NINL: variants seen among roughly 807,000 people sequenced by gnomAD.
The protein encoded by NINL is ninein-like protein.
In NINL, 153 loss-of-function variants were observed where a neutral mutation model predicts 160.3. The observed-to-expected ratio is 0.95, with a 90% CI of 0.84 to 1.09. NINL has a LOEUF of 1.09. Among genes scored for constraint, NINL ranks in the 50% least tolerant of loss-of-function variants. The pLI, the probability that NINL is intolerant of heterozygous loss-of-function variation, is 0.00. For synonymous variants in NINL, 800 were observed against 734.8 expected (o/e 1.09, Z -1.43); for missense variants, 1,829 against 1,764.0 (o/e 1.04, Z -0.66).
intron 1 of NINL, among the ~76,000 whole-genome samples, chr20:25,559,508 G>C (rs2064907547): frequency 6.6e-6 from 1 of 152,142 alleles, no homozygotes; most frequent in Non-Finnish European, 1.5e-5. Flanking sequence ...CAAAGTGCTG[G>C]GATTACAGGC....
chr20:25,485,090 T>C (rs544376559), intron 13 of NINL, among the ~76,000 whole-genome samples: 5 of 152,166 alleles, frequency 3.3e-5, no homozygotes, highest in Admixed American at 6.5e-5. Flanking sequence ...TCCTCAAAAA[T>C]ATCAATGTCA....
chr20:25,563,155 G>T (rs996124111), intron 1 of NINL, among the ~76,000 whole-genome samples: 1 of 152,192 alleles, frequency 6.6e-6, no homozygotes, highest in South Asian at 2.1e-4. Flanking sequence ...GACAGAGCAA[G>T]ATTCCATCTC....
intron 2 of NINL, 30 bp from the exon 3 acceptor site, chr20:25,517,879 T>A (rs1181449702): frequency 1.4e-6 from 2 of 1,454,666 alleles, no homozygotes; most frequent in East Asian, 2.3e-5. Context: ...GAGAGGACAA[T>A]GTCACTTTCA....
intron 2 of NINL, among the ~76,000 whole-genome samples, chr20:25,518,647 T>G (rs2064205520): frequency 6.6e-6 from 1 of 152,230 alleles, no homozygotes; most frequent in Non-Finnish European, 1.5e-5. Flanking sequence ...TTAACTTAAA[T>G]ATGTAATCTA....
At chr20:25,484,536 G>A (rs948834031) in intron 13 of NINL, among the ~76,000 whole-genome samples, 1 of 152,230 alleles carries the variant, frequency 6.6e-6, no homozygotes, top group Non-Finnish European at 1.5e-5. Flanking sequence ...GGCACAGCAA[G>A]CAGCCGAGGA....
At position 25,453,498 on chromosome 20, in the gene NINL, G is replaced by T; in HGVS notation, c.4102C>A (p.Leu1368Ile). ...GCAATCCTACTGACGAGTTTGTTGA[G>T]AGCGCGAACTTTTTCTTCCAAGAGG... Reference protein sequence around the residue: ...SRLLEEKVRALNKLVSRIAPA... With the variant: ...SRLLEEKVRAINKLVSRIAPA... The change falls in exon 24 of 24, where the codon CTC becomes ATC. Residue 1368 changes from leucine (L) to isoleucine (I), a missense_variant. By Grantham distance (5) the Leu-to-Ile change is conservative. Coordinates refer to ENST00000278886, the MANE Select transcript of NINL (RefSeq NM_025176.6). 1 of 1,614,018 alleles carries T rather than the reference G, an allele frequency of 6.2e-7. No homozygotes were observed. Among genetic ancestry groups the T allele is most frequent in the Non-Finnish European group, 8.5e-7 (1 of 1,179,958 alleles).
chr20:25,454,009 A>G lies in NINL; in HGVS notation c.3958-367T>C, dbSNP rs1192227865. On this transcript the variant is annotated intron_variant, in intron 23 of 23. Coordinates refer to ENST00000278886, the MANE Select transcript of NINL (RefSeq NM_025176.6). ...GGAGCTTGCAGTGAGCAGAGATCGCACCACTGCACTCCATCCAGCCTAGGC... is the reference window on the plus strand; with the variant it reads ...GGAGCTTGCAGTGAGCAGAGATCGCGCCACTGCACTCCATCCAGCCTAGGC... Among the ~76,000 whole-genome samples the G allele has an allele frequency of 3.3e-5, 5 of 152,080 alleles. No homozygotes were observed. In the East Asian group the frequency reaches 5.8e-4, roughly 18 times the overall value.
rs117666764 is a variant in NINL at position 25,471,061 on chromosome 20, C to T, written c.3249-966G>A. 9.4e-4 allele frequency among the ~76,000 whole-genome samples: 143 copies of T among 152,122 alleles called. 2 individuals are homozygous for T. The East Asian group carries it at 0.025, about 27-fold the overall frequency. ...TTGAGATGGGGTCTCATTCTGTCAC[C>T]CAGGCTGGAGTACTGTGGCACGATC... On this transcript the variant is annotated intron_variant, in intron 17 of 23. Coordinates refer to ENST00000278886, the MANE Select transcript of NINL (RefSeq NM_025176.6).
At chr20:25,483,350 A>G (rs2146601115) in intron 13 of NINL, among the ~76,000 whole-genome samples, 1 of 150,466 alleles carries the variant, frequency 6.6e-6, no homozygotes, top group African/African-American at 2.4e-5. Flanking sequence ...AAAAAAAAAG[A>G]AAAGAAAAGA....
At chr20:25,478,125 T>A (rs931342334) in intron 16 of NINL, among the ~76,000 whole-genome samples, 3 of 152,064 alleles carry the variant, frequency 2.0e-5, no homozygotes, top group African/African-American at 7.2e-5. Flanking sequence ...ATTTTTTGTG[T>A]TTTTAGTAGA....
chr20:25,505,336 T>TGGG (rs61161192), intron 5 of NINL, among the ~76,000 whole-genome samples: 16 of 106,862 alleles, frequency 1.5e-4, no homozygotes, highest in Non-Finnish European at 2.1e-4. Flanking sequence ...AGATGCTGGT[T>TGGG]GGGGGGGGGT....
intron 1 of NINL, among the ~76,000 whole-genome samples, chr20:25,532,050 C>T (rs2064473988): frequency 6.6e-6 from 1 of 152,182 alleles, no homozygotes; most frequent in South Asian, 2.1e-4. Context: ...AGAAGGACAG[C>T]TCTGTGTGTG....
At chr20:25,540,308 T>C (rs965889734) in intron 1 of NINL, among the ~76,000 whole-genome samples, 3 of 152,094 alleles carry the variant, frequency 2.0e-5, no homozygotes, top group South Asian at 4.1e-4. Flanking sequence ...TGAAAGAAAA[T>C]CCTGTTTTCA....
intron 19 of NINL, among the ~76,000 whole-genome samples, chr20:25,464,234 T>C (rs923093634): frequency 8.5e-5 from 13 of 152,138 alleles, no homozygotes; most frequent in Admixed American, 4.6e-4. Flanking sequence ...CTGGCCAACA[T>C]GGCGAAACCC....
At chr20:25,478,886 A>C (rs1275544226) in intron 16 of NINL, 37 bp downstream of exon 16, 1 of 1,481,270 alleles carries the variant, frequency 6.8e-7, no homozygotes, top group Admixed American at 2.3e-5. Flanking sequence ...TTGGCAAGAA[A>C]CCCCAGACTT....
intron 1 of NINL, among the ~76,000 whole-genome samples, chr20:25,534,703 A>G (rs949396380): frequency 6.6e-6 from 1 of 152,216 alleles, no homozygotes; most frequent in African/African-American, 2.4e-5. Flanking sequence ...GTATATGACT[A>G]TATGTACTGT....
intron 1 of NINL, among the ~76,000 whole-genome samples, chr20:25,549,180 C>T (rs867512473): frequency 2.8e-5 from 3 of 107,462 alleles, no homozygotes; most frequent in African/African-American, 1.2e-4. Context: ...CACGGCCACA[C>T]CTCCCACACC....
chr20:25,529,426 A>G (rs2064414159), intron 1 of NINL, among the ~76,000 whole-genome samples: 1 of 152,216 alleles, frequency 6.6e-6, no homozygotes, highest in Non-Finnish European at 1.5e-5. Flanking sequence ...ATAGTCTCAG[A>G]GGTGCAGGTG....
chr20:25,465,016 C>CA (rs1470423004), intron 19 of NINL, among the ~76,000 whole-genome samples: 1 of 152,226 alleles, frequency 6.6e-6, no homozygotes, highest in African/African-American at 2.4e-5. Context: ...CTGGCTTTCA[C>CA]TGCAGAAGCC....
Sources: allele counts gnomAD v4.1 joint callset (sites outside exome capture counted in the v4.1 genomes callset), GRCh38; gene constraint gnomAD v4.1.1; transcripts MANE v1.5; gene names NCBI Gene and HGNC (gene_info 2026-07-23, HGNC 2026-07-21).